SLC5A5: variants seen among roughly 807,000 people sequenced by gnomAD.
SLC5A5 encodes sodium/iodide cotransporter.
A neutral mutation model predicts 68.6 loss-of-function variants in SLC5A5; 56 were observed. The observed-to-expected ratio is 0.82, with a 90% CI of 0.66 to 1.02. The LOEUF is 1.02. Ranked by LOEUF, SLC5A5 falls within the 50% of genes least tolerant of loss-of-function variation. SLC5A5 has a pLI of 0.00. For synonymous variants in SLC5A5, 398 were observed against 373.0 expected (o/e 1.07, Z -0.77); for missense variants, 807 against 859.8 (o/e 0.94, Z 0.77).
intron 12 of SLC5A5, among the ~76,000 whole-genome samples, chr19:17,885,868 A>G (rs1401365445): frequency 6.6e-6 from 1 of 151,068 alleles, no homozygotes; most frequent in African/African-American, 2.4e-5. Flanking sequence ...CATAATACAT[A>G]TATATTTTTT....
chr19:17,883,353 G>T (rs1207348344), intron 10 of SLC5A5, among the ~76,000 whole-genome samples: 1 of 151,602 alleles, frequency 6.6e-6, no homozygotes, highest in Non-Finnish European at 1.5e-5. Flanking sequence ...TATGGAGGTT[G>T]CAGTGAGCCA....
rs762005189 is a variant in SLC5A5 at position 17,893,762 on chromosome 19, C to T, written c.1817C>T (p.Pro606Leu). 7 of 1,613,792 alleles carry T rather than the reference C, an allele frequency of 4.3e-6. No homozygotes were observed. Among genetic ancestry groups the T allele is most frequent in the African/African-American group, 4.0e-5 (3 of 74,920 alleles). Residue 606 changes from proline (P) to leucine (L), a missense_variant, in exon 15 of 15, where the codon CCC becomes CTC. Pro to Leu is a moderately conservative substitution (Grantham distance 98, BLOSUM62 -3). Coordinates refer to ENST00000222248, the MANE Select transcript of SLC5A5 (RefSeq NM_000453.3). ...TGNKKPPGFL[P>L]TNEDRLFFLG... Reference sequence around the variant, plus strand: ...AACAAGAAGCCCCCTGGCTTCCTGCCCACCAATGAGGATCGTCTGTTTTTC... The same window carrying T: ...AACAAGAAGCCCCCTGGCTTCCTGCTCACCAATGAGGATCGTCTGTTTTTC...
intron 10 of SLC5A5, 110 bp downstream of exon 10, chr19:17,882,329 CACTT>C: frequency 1.2e-6 from 1 of 841,388 alleles, no homozygotes; most frequent in South Asian, 1.5e-5. Flanking sequence ...TGGCAGAACT[CACTT>C]CTATGTTTTT....
intron 13 of SLC5A5, among the ~76,000 whole-genome samples, chr19:17,890,405 GTTTTA>G (rs1206312225): frequency 6.6e-6 from 1 of 151,828 alleles, no homozygotes; most frequent in Non-Finnish European, 1.5e-5. Flanking sequence ...GTTTTGTTTT[GTTTTA>G]GAAACAGGGT....
At chr19:17,893,446 G>A (rs2030277316) in intron 14 of SLC5A5, among the ~76,000 whole-genome samples, 1 of 152,102 alleles carries the variant, frequency 6.6e-6, no homozygotes, top group Non-Finnish European at 1.5e-5. Context: ...GAGAAGCAGA[G>A]AAAGGAGGGA....
At chr19:17,881,834 C>T in intron 8 of SLC5A5, 126 bp from the exon 9 acceptor site, 1 of 739,356 alleles carries the variant, frequency 1.4e-6, no homozygotes, top group Non-Finnish European at 2.4e-6. Context: ...GCAAATATCT[C>T]CTTCACCTTT....
chr19:17,892,154 C>T (rs928805516), intron 14 of SLC5A5, among the ~76,000 whole-genome samples: 2 of 151,950 alleles, frequency 1.3e-5, no homozygotes, highest in Non-Finnish European at 2.9e-5. Flanking sequence ...ATTAGCCGGG[C>T]ATGGTGGCGT....
rs762287158 is a variant in SLC5A5, at chr19:17,872,422, G to A, written c.103G>A (p.Gly35Arg). The change falls in exon 1 of 15, where the codon GGG (glycine) becomes AGG (arginine). Residue 35 changes from glycine to arginine, a missense_variant. Transcript: ENST00000222248. ...GTCCACTGGCATCGGGCTGTGGGTC[G>A]GGCTGGCTCGGGGCGGGCAGCGCAG... ...LVSTGIGLWV[G>R]LARGGQRSAE... is the part of the protein sequence containing the mutation. The A allele has an allele frequency of 2.4e-5, 38 of 1,608,242 alleles. No homozygotes were observed. Among genetic ancestry groups the A allele is most frequent in the Non-Finnish European group, 3.1e-5 (37 of 1,177,364 alleles).
rs1359937183 is a variant in SLC5A5, at chr19:17,874,560, G to A, written c.475+15G>A. On this transcript the variant is annotated intron_variant, in intron 3 of 14. Coordinates refer to ENST00000222248, the MANE Select transcript of SLC5A5 (RefSeq NM_000453.3). ...CCTGAACCAAGGTGTGACTCTGGGA[G>A]ATTAGGGAAGCATGTCTGGGAAGAG... The A allele has an allele frequency of 6.2e-7, 1 of 1,613,630 alleles. No individual in the cohort carries two copies. The highest frequency in any genetic ancestry group is 8.5e-7 in the Non-Finnish European group (1 of 1,179,778).
Position 17,872,622 on chromosome 19 carries a change from C to G in SLC5A5, c.303C>G (p.Thr101=). ...GCCAGCTTCTGAACTCGGTCCTCAC[C>G]GCCCTGCTCTTCATGCCCGTCTTCT... ...CLGQLLNSVL[T]ALLFMPVFYR... The change falls in exon 1 of 15, where the codon ACC becomes ACG. Residue 101 remains threonine (T), a synonymous_variant. Transcript: ENST00000222248. 1 of 1,611,738 alleles carries G rather than the reference C, an allele frequency of 6.2e-7. No individual in the cohort carries two copies. Among genetic ancestry groups the G allele is most frequent in the Non-Finnish European group, 8.5e-7 (1 of 1,179,660 alleles).
At chr19:17,880,589 G>C (rs187342893) in intron 7 of SLC5A5, among the ~76,000 whole-genome samples, 4 of 152,188 alleles carry the variant, frequency 2.6e-5, no homozygotes, top group African/African-American at 9.7e-5. Context: ...CTCAGCTACT[G>C]GGGGACTGAA....
chr19:17,875,050 G>C (rs1193600036), intron 4 of SLC5A5, among the ~76,000 whole-genome samples: 3 of 152,092 alleles, frequency 2.0e-5, no homozygotes, highest in African/African-American at 7.2e-5. Context: ...TGACCTTGAT[G>C]GCGATATTAT....
chr19:17,878,535 T>A (rs2094312974), intron 7 of SLC5A5, among the ~76,000 whole-genome samples: 1 of 150,780 alleles, frequency 6.6e-6, no homozygotes, highest in African/African-American at 2.5e-5. Flanking sequence ...AATAAAGAGT[T>A]CAGAGGAGGA....
chr19:17,884,386 C>G (rs1273310329), intron 12 of SLC5A5, among the ~76,000 whole-genome samples: 1 of 151,980 alleles, frequency 6.6e-6, no homozygotes, highest in Non-Finnish European at 1.5e-5. Context: ...CAGCTTCAAC[C>G]TCTCAGGCTC....
intron 5 of SLC5A5, among the ~76,000 whole-genome samples, chr19:17,876,486 G>A (rs1028560517): frequency 6.6e-6 from 1 of 151,732 alleles, no homozygotes; most frequent in Non-Finnish European, 1.5e-5. Flanking sequence ...CCAGCACTTT[G>A]GGAGGCCAAG....
In SLC5A5 at chr19:17,890,946, C is replaced by T; in HGVS notation, c.1712C>T (p.Thr571Ile). 3.7e-6 allele frequency: 6 copies of T among 1,614,136 alleles called. No homozygotes were observed. Among genetic ancestry groups the T allele is most frequent in the Non-Finnish European group, 5.1e-6 (6 of 1,179,992 alleles). Residue 571 changes from threonine to isoleucine, a missense_variant, in exon 14 of 15, where the codon ACA becomes ATA. Physicochemically the swap from Thr to Ile is moderately conservative, Grantham distance 89 (BLOSUM62 -1). Transcript: ENST00000222248. ...TTGTGGTGGGACCTCGCACGGCAGACAGCATCAGTGGCCCCCAAGGAAGAA... is the reference window on the plus strand; with the variant it reads ...TTGTGGTGGGACCTCGCACGGCAGATAGCATCAGTGGCCCCCAAGGAAGAA... ...GLLWWDLARQTASVAPKEEVA... is the reference protein window; with the variant it reads ...GLLWWDLARQIASVAPKEEVA...
At chr19:17,884,091 GTGATCTTGAAGGGAAACT>G in intron 12 of SLC5A5, 45 bp downstream of exon 12, 1 of 1,478,574 alleles carries the variant, frequency 6.8e-7, no homozygotes, top group Non-Finnish European at 9.2e-7. Flanking sequence ...CCTGGATGGT[GTGATCTTGAAGGGAAACT>G]TACTTGCCCT....
chr19:17,889,563 C>T lies in SLC5A5; in HGVS notation c.1651+1108C>T, dbSNP rs577132404. On this transcript the variant is annotated intron_variant, in intron 13 of 14. Transcript: ENST00000222248. ...CATGGCTCACTGCAACCTTGAACTC[C>T]TGAGCTGAAAGCAATCCTCCCACCT... Among the ~76,000 whole-genome samples the T allele has an allele frequency of 3.9e-5, 6 of 152,216 alleles. No individual in the cohort carries two copies. In the East Asian group the frequency reaches 1.2e-3, roughly 29 times the overall value.
In SLC5A5 at chr19:17,883,676, C is replaced by T. The variant is rs765849552; in HGVS notation, c.1243-5C>T. ...CCTCAGCCCCACTTCCACCTACTCT[C>T]CCAGGGCTCCTTCACCGTCATGGGA... On this transcript the variant is annotated splice_polypyrimidine_tract_variant and splice_region_variant and intron_variant, in intron 10 of 14. Transcript: ENST00000222248. The T allele has an allele frequency of 7.4e-6, 12 of 1,612,832 alleles. 1 individual carries two copies. In the South Asian group the frequency reaches 8.8e-5, roughly 12 times the overall value.
Sources: gnomAD v4.1 joint callset for allele counts (sites outside exome capture counted in the v4.1 genomes callset) on GRCh38, gnomAD v4.1.1 for gene constraint, MANE v1.5 for transcripts, NCBI Gene and HGNC (gene_info 2026-07-23, HGNC 2026-07-21) for gene names.